The following EBF4 variants were observed in gnomAD, a reference collection of about 807,000 sequenced individuals.
EBF4 encodes transcription factor COE4.
Under a neutral mutation model 67.1 loss-of-function variants are expected in EBF4, and 34 were observed. That is an observed-to-expected ratio of 0.51 (90% CI 0.39 to 0.67). EBF4 has a LOEUF of 0.67. Among genes scored for constraint, EBF4 ranks in the 30% least tolerant of loss-of-function variants. EBF4 has a pLI of 0.00. For synonymous variants in EBF4, 387 were observed against 377.7 expected, an observed-to-expected ratio of 1.02 and a Z score of -0.29; for missense variants, 837 against 873.3, an observed-to-expected ratio of 0.96 and a Z score of 0.52.
chr20:2,752,048 G>A, intron 12 of EBF4, 38 bp from the exon 13 acceptor site: 2 of 1,471,172 alleles, frequency 1.4e-6, no homozygotes, highest in Non-Finnish European at 8.9e-7. Context: ...CGCGGCGCCC[G>A]CGGCTGCCCC....
exon 6 of EBF4, chr20:2,709,576 G>A (rs1274182410): frequency 1.9e-6 from 3 of 1,552,520 alleles, no homozygotes; most frequent in Non-Finnish European, 2.6e-6. Flanking sequence ...TCCTTCAGCC[G>A]GTGCTGTGAC....
intron 6 of EBF4, among the ~76,000 whole-genome samples, chr20:2,738,170 G>A (rs981693889): frequency 7.2e-5 from 11 of 151,958 alleles, no homozygotes; most frequent in Non-Finnish European, 1.5e-4. Flanking sequence ...GCTAATACCC[G>A]CTACCCACCT....
intron 6 of EBF4, among the ~76,000 whole-genome samples, chr20:2,722,451 G>T (rs1031133637): frequency 6.6e-6 from 1 of 152,000 alleles, no homozygotes; most frequent in Non-Finnish European, 1.5e-5. Context: ...TCACATGCAT[G>T]CCTTTATCAG....
intron 6 of EBF4, among the ~76,000 whole-genome samples, chr20:2,746,105 G>A (rs578077877): frequency 6.6e-6 from 1 of 152,292 alleles, no homozygotes; most frequent in African/African-American, 2.4e-5. Context: ...TGTCACATGT[G>A]AATGTGGGGC....
chr20:2,698,863 G>A (rs2087335000), intron 1 of EBF4, among the ~76,000 whole-genome samples: 1 of 152,146 alleles, frequency 6.6e-6, no homozygotes, highest in African/African-American at 2.4e-5. Flanking sequence ...GGTTTTGGTG[G>A]GGAGAAGGGA....
At chr20:2,726,929 C>T (rs1394169873) in intron 6 of EBF4, among the ~76,000 whole-genome samples, 1 of 152,084 alleles carries the variant, frequency 6.6e-6, no homozygotes, top group Non-Finnish European at 1.5e-5. Flanking sequence ...AAGCAGCTCC[C>T]CATCTCCCTC....
At chr20:2,732,264 GTGCA>G (rs1345044448) in intron 6 of EBF4, among the ~76,000 whole-genome samples, 1 of 152,064 alleles carries the variant, frequency 6.6e-6, no homozygotes, top group Non-Finnish European at 1.5e-5. Flanking sequence ...GGGACTACAG[GTGCA>G]TGCCACCACA....
At chr20:2,729,758 T>C (rs1007584971) in intron 6 of EBF4, among the ~76,000 whole-genome samples, 28 of 152,306 alleles carry the variant, frequency 1.8e-4, no homozygotes, top group African/African-American at 6.5e-4. Flanking sequence ...CACATCCTAT[T>C]ACACAAAGAG....
At chr20:2,723,122 G>A (rs191438826) in intron 6 of EBF4, among the ~76,000 whole-genome samples, 34 of 152,188 alleles carry the variant, frequency 2.2e-4, no homozygotes, top group African/African-American at 7.5e-4. Context: ...TTGTGGACAG[G>A]CTTTTAAAAA....
chr20:2,713,701 T>C (rs769696508), intron 6 of EBF4, among the ~76,000 whole-genome samples: 1 of 152,134 alleles, frequency 6.6e-6, no homozygotes, highest in African/African-American at 2.4e-5. Flanking sequence ...GGATATTTAT[T>C]TTTTAAAAAT....
chr20:2,751,989 T>C lies in EBF4; in HGVS notation c.1173+2T>C. 2 of 1,543,734 alleles carry C rather than the reference T, an allele frequency of 1.3e-6. No homozygotes were observed. Among genetic ancestry groups the C allele is most frequent in the Non-Finnish European group, 1.7e-6 (2 of 1,144,588 alleles). On this transcript the variant is annotated splice_donor_variant, in intron 12 of 16. Coordinates refer to ENST00000609451, the Ensembl canonical transcript of EBF4. LOFTEE classifies it high-confidence loss of function. The surrounding 1 kb of genome is among the most constrained non-coding windows in gnomAD (Gnocchi z 5.2). ...TACGGAGTGCCCGGCAGTAACCAGG[T>C]ATGGCGCCTCCGCCCTCCCAGCGCC...
At chr20:2,758,885 C>T (rs1164524954) in intron 15 of EBF4, 24 bp from the exon 16 acceptor site, 1 of 1,550,688 alleles carries the variant, frequency 6.4e-7, no homozygotes. Context: ...TGGCTTATGG[C>T]TCCTTTTTCC....
chr20:2,755,610 C>A lies in EBF4; in HGVS notation c.1541-17C>A. On this transcript the variant is annotated splice_polypyrimidine_tract_variant and intron_variant, in intron 14 of 16. Coordinates refer to ENST00000609451, the Ensembl canonical transcript of EBF4. The surrounding 1 kb of genome is among the most constrained non-coding windows in gnomAD (Gnocchi z 4.7). ...ACCTTCCCTGCTGCGCCTGCCCCTC[C>A]CCGCCCCGCCCCGGAGTCATGCCCT... 1 of 1,233,546 alleles carries A rather than the reference C, an allele frequency of 8.1e-7. No homozygotes were observed. The highest frequency in any genetic ancestry group is 1.3e-5 in the South Asian group (1 of 77,260). 76.4% of individuals were successfully genotyped at this position (1,233,546 alleles called of 1,614,324 possible).
At chr20:2,741,663 TG>T (rs1388350020) in intron 6 of EBF4, among the ~76,000 whole-genome samples, 5 of 152,094 alleles carry the variant, frequency 3.3e-5, no homozygotes, top group African/African-American at 1.2e-4. Flanking sequence ...TGTGGTAAGG[TG>T]GGTGTGTGGG....
chr20:2,724,475 C>T (rs897129995), intron 6 of EBF4, among the ~76,000 whole-genome samples: 4 of 152,172 alleles, frequency 2.6e-5, no homozygotes, highest in African/African-American at 4.8e-5. Context: ...AAAAGATTGG[C>T]TGGTAATAAA....
chr20:2,739,411 T>C lies in EBF4; in HGVS notation c.558-9138T>C, dbSNP rs1473255939. ...CCATCACCCAAGACCAAATTGGAGCTCTAGGAAGCATTCCGCCTCCCCTAG... is the reference window on the plus strand; with the variant it reads ...CCATCACCCAAGACCAAATTGGAGCCCTAGGAAGCATTCCGCCTCCCCTAG... On this transcript the variant is annotated intron_variant, in intron 6 of 16. Coordinates refer to ENST00000609451, the Ensembl canonical transcript of EBF4. This position sits in a 1 kb window ranked among gnomAD's most constrained non-coding sequence, Gnocchi z 4.5. Among the ~76,000 whole-genome samples the C allele has an allele frequency of 6.6e-6, 1 of 151,940 alleles. No homozygotes were observed. Among genetic ancestry groups the C allele is most frequent in the Non-Finnish European group, 1.5e-5 (1 of 67,972 alleles).
chr20:2,726,784 G>A (rs557223284), intron 6 of EBF4, among the ~76,000 whole-genome samples: 11 of 151,918 alleles, frequency 7.2e-5, no homozygotes, highest in South Asian at 2.1e-4. Context: ...TTTAGGTTGT[G>A]GTAAAAAACA....
chr20:2,701,523 A>G (rs970408072), intron 1 of EBF4, among the ~76,000 whole-genome samples: 1 of 152,234 alleles, frequency 6.6e-6, no homozygotes, highest in Non-Finnish European at 1.5e-5. Flanking sequence ...AGGACCCAGC[A>G]ATGGCTGATA....
intron 6 of EBF4, among the ~76,000 whole-genome samples, chr20:2,723,351 T>C (rs1405215558): frequency 4.6e-5 from 7 of 152,132 alleles, no homozygotes; most frequent in Non-Finnish European, 7.4e-5. Flanking sequence ...TATTTTTATT[T>C]TTTTTTATTT....
Sources: gnomAD v4.1 joint callset for allele counts (sites outside exome capture counted in the v4.1 genomes callset) on GRCh38, gnomAD v4.1.1 for gene constraint, Gnocchi (gnomAD v3.1) non-coding constraint, MANE v1.5 for transcripts, NCBI Gene and HGNC (gene_info 2026-07-23, HGNC 2026-07-21) for gene names.